PCDH11X: variants seen among roughly 807,000 people sequenced by gnomAD.
PCDH11X encodes protocadherin-11 X-linked.
PCDH11X carries 18 observed loss-of-function variants against 53.3 expected under a neutral mutation model. That is an observed-to-expected ratio of 0.34 (90% CI 0.23 to 0.50). The LOEUF (loss-of-function observed/expected upper bound fraction) is 0.50, where lower values mean the gene tolerates loss of function less well. Among genes scored for constraint, PCDH11X ranks in the 20% least tolerant of loss-of-function variants. The probability of loss-of-function intolerance (pLI) is 0.98; values close to 1 mark genes in which losing one functional copy is unlikely to be tolerated. For synonymous variants in PCDH11X, 279 were observed against 393.3 expected (o/e 0.71, Z 3.44); for missense variants, 570 against 1,032.4 (o/e 0.55, Z 6.14).
Position 91,824,148 on chromosome X carries a change from G to T in PCDH11X, c.-44-11313G>T, listed in dbSNP as rs1036810654. On this transcript the variant is annotated intron_variant, in intron 4 of 10. Coordinates refer to ENST00000682573, the MANE Select transcript of PCDH11X (RefSeq NM_032968.5). Reference sequence around the variant, plus strand: ...CAACTTTGATGAATCTGACAATTATGTGTCTTGGAGTTGCTCTTCTCGAGG... The same window carrying T: ...CAACTTTGATGAATCTGACAATTATTTGTCTTGGAGTTGCTCTTCTCGAGG... Among the ~76,000 whole-genome samples, 10 of 110,931 alleles carry T rather than the reference G, an allele frequency of 9.0e-5. No homozygotes were observed. The Admixed American group carries it at 9.7e-4, about 11-fold the overall frequency.
intron 6 of PCDH11X, chrX:92,113,876 T>A: frequency 8.3e-7 from 1 of 1,201,825 alleles, no homozygotes; most frequent in Non-Finnish European, 1.1e-6. Flanking sequence ...ATGTCATAGA[T>A]CTGGTCCTTG....
At chrX:91,963,974 A>G (rs1413243024) in intron 6 of PCDH11X, among the ~76,000 whole-genome samples, 1 of 109,910 alleles carries the variant, frequency 9.1e-6, no homozygotes, top group Non-Finnish European at 1.9e-5. Context: ...TGATTAAGTT[A>G]CCTCCCACTG....
At chrX:91,981,651 G>A (rs1329200669) in intron 6 of PCDH11X, among the ~76,000 whole-genome samples, 2 of 111,530 alleles carry the variant, frequency 1.8e-5, no homozygotes, top group Non-Finnish European at 3.8e-5. Flanking sequence ...AAAGAAAGAG[G>A]TTTATTGGAC....
At chrX:92,408,177 C>T (rs1438993794) in intron 9 of PCDH11X, among the ~76,000 whole-genome samples, 1 of 111,089 alleles carries the variant, frequency 9.0e-6, no homozygotes, top group Non-Finnish European at 1.9e-5. Flanking sequence ...GCCACCTTGC[C>T]AGCCTTAAAG....
At chrX:92,419,388 G>C (rs2071899505) in intron 9 of PCDH11X, among the ~76,000 whole-genome samples, 1 of 104,780 alleles carries the variant, frequency 9.5e-6, no homozygotes, top group Non-Finnish European at 1.9e-5. Context: ...CAAATAGCTG[G>C]GACTGCAGGT....
chrX:92,033,904 C>A (rs778526330), intron 6 of PCDH11X, among the ~76,000 whole-genome samples: 2 of 109,797 alleles, frequency 1.8e-5, no homozygotes, highest in Non-Finnish European at 3.8e-5. Context: ...TATAAACTTT[C>A]CGCTTAGTAG....
intron 6 of PCDH11X, among the ~76,000 whole-genome samples, chrX:91,882,332 T>TA (rs1166866197): frequency 9.1e-6 from 1 of 109,935 alleles, no homozygotes; most frequent in African/African-American, 3.4e-5. Context: ...AATTGGTTGT[T>TA]ATGACACTAG....
chrX:92,439,503 A>AACC (rs1871102503), intron 9 of PCDH11X, among the ~76,000 whole-genome samples: 1 of 110,475 alleles, frequency 9.1e-6, no homozygotes, highest in Admixed American at 9.7e-5. Flanking sequence ...ATAGTACTAA[A>AACC]ACCATTATAA....
chrX:92,089,528 T>G (rs1467260975), intron 6 of PCDH11X, among the ~76,000 whole-genome samples: 1 of 111,403 alleles, frequency 9.0e-6, no homozygotes, highest in Non-Finnish European at 1.9e-5. Flanking sequence ...TTTTTTATTT[T>G]TTTTTCTTTT....
chrX:92,077,622 G>GAGGAAGGAAGGA (rs768755254), intron 6 of PCDH11X, among the ~76,000 whole-genome samples: 44 of 96,161 alleles, frequency 4.6e-4, no homozygotes, highest in African/African-American at 1.4e-3. Flanking sequence ...GGAAGGAAGG[G>GAGGAAGGAAGGA]AGGAAGGAAG....
At chrX:92,237,588 T>C (rs988286503) in intron 7 of PCDH11X, among the ~76,000 whole-genome samples, 1 of 111,599 alleles carries the variant, frequency 9.0e-6, no homozygotes, top group Non-Finnish European at 1.9e-5. Flanking sequence ...ATTATTGTTA[T>C]AGTCCAATTG....
chrX:92,248,202 G>A (rs10522057), intron 7 of PCDH11X, among the ~76,000 whole-genome samples: 5,773 of 110,856 alleles, frequency 0.052, 257 homozygotes, highest in East Asian at 0.21. Flanking sequence ...ATAAACAAGA[G>A]ATGGAACCAG....
At chrX:92,051,227 C>A (rs775118026) in intron 6 of PCDH11X, among the ~76,000 whole-genome samples, 49 of 111,824 alleles carry the variant, frequency 4.4e-4, no homozygotes, top group Middle Eastern at 9.4e-3. Context: ...TATGATAAAT[C>A]TTTTTGTCCT....
At chrX:92,614,257 T>G (rs1927724766) in intron 10 of PCDH11X, among the ~76,000 whole-genome samples, 1 of 111,652 alleles carries the variant, frequency 9.0e-6, no homozygotes, top group Admixed American at 9.5e-5. Flanking sequence ...CATCTGAGAA[T>G]GTTGGCACTT....
At chrX:92,090,885 T>G (rs1412184126) in intron 6 of PCDH11X, among the ~76,000 whole-genome samples, 9 of 112,071 alleles carry the variant, frequency 8.0e-5, no homozygotes, top group African/African-American at 2.9e-4. Flanking sequence ...AAGGTTGAAG[T>G]TCGTGAGAGC....
chrX:92,563,222 G>GCC (rs1921028806), intron 10 of PCDH11X, among the ~76,000 whole-genome samples: 1 of 106,623 alleles, frequency 9.4e-6, no homozygotes, highest in Non-Finnish European at 1.9e-5. Context: ...ATGGTCAAAG[G>GCC]CAATGGGGGA....
chrX:91,899,053 A>G (rs1305244995), intron 6 of PCDH11X, among the ~76,000 whole-genome samples: 1 of 111,673 alleles, frequency 9.0e-6, no homozygotes, highest in Admixed American at 9.6e-5. Flanking sequence ...GGACAGAACC[A>G]ATAGTATAGA....
At chrX:91,989,033 A>G (rs929989861) in intron 6 of PCDH11X, among the ~76,000 whole-genome samples, 2 of 111,003 alleles carry the variant, frequency 1.8e-5, no homozygotes, top group African/African-American at 6.6e-5. Flanking sequence ...CTATCCAGGA[A>G]TCTGCTACTA....
chrX:92,310,271 T>C (rs963048578), intron 8 of PCDH11X, among the ~76,000 whole-genome samples: 14 of 112,635 alleles, frequency 1.2e-4, no homozygotes, highest in Non-Finnish European at 9.4e-5. Flanking sequence ...TTTAATTAAA[T>C]TTGGGAATAG....
Sources: allele counts gnomAD v4.1 joint callset (sites outside exome capture counted in the v4.1 genomes callset), GRCh38; gene constraint gnomAD v4.1.1; transcripts MANE v1.5; gene names NCBI Gene and HGNC (gene_info 2026-07-23, HGNC 2026-07-21).